Variants in FRMPD4 observed in about 807,000 individuals in gnomAD.
The protein encoded by FRMPD4 is FERM and PDZ domain-containing protein 4.
FRMPD4 carries 22 observed loss-of-function variants against 94.1 expected under a neutral mutation model. That is an observed-to-expected ratio of 0.23 (90% CI 0.17 to 0.33). FRMPD4 has a LOEUF of 0.33. Among genes scored for constraint, FRMPD4 ranks in the 10% least tolerant of loss-of-function variants. The probability of loss-of-function intolerance (pLI) is 1.00; values close to 1 mark genes in which losing one functional copy is unlikely to be tolerated. For missense variants in FRMPD4, 1,111 were observed against 1,339.9 expected (o/e 0.83, Z 2.67); for synonymous variants, 631 against 548.6 (o/e 1.15, Z -2.10).
chrX:12,130,135 A>AGAGAGAG (rs778286325), intron 3 of FRMPD4, among the ~76,000 whole-genome samples: 3 of 103,690 alleles, frequency 2.9e-5, no homozygotes, highest in East Asian at 3.1e-4. Context: ...AGAGAGAGAG[A>AGAGAGAG]AGGTGGAGGC....
chrX:12,413,561 C>G (rs971046122), intron 1 of FRMPD4, among the ~76,000 whole-genome samples: 2 of 111,844 alleles, frequency 1.8e-5, no homozygotes, highest in Non-Finnish European at 3.8e-5. Context: ...GGTTTGAGAG[C>G]CTGCATTCTA....
At chrX:12,344,567 A>AT (rs1160392580) in intron 1 of FRMPD4, among the ~76,000 whole-genome samples, 1 of 112,280 alleles carries the variant, frequency 8.9e-6, no homozygotes, top group Non-Finnish European at 1.9e-5. Flanking sequence ...GAGAGGATGA[A>AT]TTTTAATGCT....
At chrX:12,230,632 T>C (rs982526301) in intron 1 of FRMPD4, among the ~76,000 whole-genome samples, 1 of 108,950 alleles carries the variant, frequency 9.2e-6, no homozygotes, top group African/African-American at 3.3e-5. Flanking sequence ...GGAGGTATGG[T>C]TCCAAAGGGG....
chrX:12,316,321 GTTT>G (rs200259407), intron 1 of FRMPD4, among the ~76,000 whole-genome samples: 1 of 102,246 alleles, frequency 9.8e-6, no homozygotes, highest in Admixed American at 1.0e-4. Flanking sequence ...TAATTTTTGT[GTTT>G]TTTTTTTTAG....
intron 1 of FRMPD4, among the ~76,000 whole-genome samples, chrX:12,316,493 T>C: frequency 8.9e-6 from 1 of 112,136 alleles, no homozygotes; most frequent in Non-Finnish European, 1.9e-5. Flanking sequence ...TAGGTGGTAA[T>C]TAAAAATATT....
chrX:11,971,991 G>A (rs1601863739), intron 3 of FRMPD4, among the ~76,000 whole-genome samples: 1 of 111,566 alleles, frequency 9.0e-6, no homozygotes, highest in East Asian at 2.8e-4. Flanking sequence ...TGAGGAAACT[G>A]TGGCCCTGGG....
At chrX:12,093,914 AG>A (rs1360737905) in intron 3 of FRMPD4, among the ~76,000 whole-genome samples, 2 of 111,407 alleles carry the variant, frequency 1.8e-5, no homozygotes, top group Non-Finnish European at 3.8e-5. Flanking sequence ...AAAAAAAAAA[AG>A]AACCCTCCAA....
intron 7 of FRMPD4, among the ~76,000 whole-genome samples, chrX:12,687,264 C>T (rs1264087683): frequency 1.8e-5 from 2 of 112,107 alleles, no homozygotes; most frequent in Non-Finnish European, 3.8e-5. Context: ...TTAAATCATC[C>T]TCAAATCATT....
At chrX:12,376,648 C>G (rs750089097) in intron 1 of FRMPD4, among the ~76,000 whole-genome samples, 10 of 109,032 alleles carry the variant, frequency 9.2e-5, no homozygotes, top group East Asian at 2.8e-4. Flanking sequence ...TGCATGTGGA[C>G]ACACACACAC....
chrX:12,143,767 A>G (rs1170541161), intron 1 of FRMPD4, among the ~76,000 whole-genome samples: 2 of 112,505 alleles, frequency 1.8e-5, no homozygotes, highest in East Asian at 5.5e-4. Context: ...TGAATTCACT[A>G]ATGCACATTA....
intron 3 of FRMPD4, among the ~76,000 whole-genome samples, chrX:12,045,617 C>T (rs1208205231): frequency 1.8e-5 from 2 of 111,118 alleles, no homozygotes; most frequent in Non-Finnish European, 3.8e-5. Flanking sequence ...GAGATGGATA[C>T]ATTACCCTGA....
chrX:12,158,042 C>T (rs936967457), intron 1 of FRMPD4, among the ~76,000 whole-genome samples: 2 of 112,048 alleles, frequency 1.8e-5, no homozygotes, highest in African/African-American at 6.5e-5. Context: ...AAAAAGGAAA[C>T]GTAGACAGGG....
chrX:11,831,735 G>A (rs775315899), intron 1 of FRMPD4, among the ~76,000 whole-genome samples: 50 of 111,522 alleles, frequency 4.5e-4, no homozygotes, highest in African/African-American at 1.6e-3. Context: ...GATAAATGAG[G>A]TCAATACCAA....
At chrX:12,311,206 G>C (rs996021296) in intron 1 of FRMPD4, among the ~76,000 whole-genome samples, 5 of 111,595 alleles carry the variant, frequency 4.5e-5, no homozygotes, top group African/African-American at 1.6e-4. Context: ...ACTGGGTATG[G>C]GTGTGACACA....
At chrX:12,146,481 G>GACAC (rs36068561) in intron 1 of FRMPD4, among the ~76,000 whole-genome samples, 9 of 108,575 alleles carry the variant, frequency 8.3e-5, no homozygotes, top group Non-Finnish European at 1.7e-4. Flanking sequence ...CACATACAGA[G>GACAC]ACACACACAC....
At chrX:11,878,966 T>C (rs771662991) in intron 3 of FRMPD4, among the ~76,000 whole-genome samples, 1 of 112,342 alleles carries the variant, frequency 8.9e-6, no homozygotes, top group East Asian at 2.8e-4. Flanking sequence ...CCCTCAACTT[T>C]TGCTACTTGA....
chrX:12,437,812 G>T (rs2057087235), intron 1 of FRMPD4, among the ~76,000 whole-genome samples: 1 of 111,890 alleles, frequency 8.9e-6, no homozygotes, highest in African/African-American at 3.2e-5. Context: ...CCTTTCCTAT[G>T]AGTTTATAAA....
chrX:12,488,545 T>G (rs943268759), intron 1 of FRMPD4, among the ~76,000 whole-genome samples: 1 of 111,966 alleles, frequency 8.9e-6, no homozygotes, highest in African/African-American at 3.2e-5. Context: ...GTTCAGAGAT[T>G]TAAAACTCCC....
chrX:12,695,413 A>G (rs1239922336), intron 9 of FRMPD4, among the ~76,000 whole-genome samples: 2 of 110,019 alleles, frequency 1.8e-5, no homozygotes, highest in African/African-American at 3.3e-5. Context: ...TTATTTATTT[A>G]TTTATTTTGA....
Sources: gnomAD v4.1 joint callset for allele counts (sites outside exome capture counted in the v4.1 genomes callset) on GRCh38, gnomAD v4.1.1 for gene constraint, MANE v1.5 for transcripts, NCBI Gene and HGNC (gene_info 2026-07-23, HGNC 2026-07-21) for gene names.